LITAFD: variants seen among roughly 807,000 people sequenced by gnomAD.
LITAFD encodes the protein LITAF domain containing, also known as lITAF domain-containing protein.
intron 2 of LITAFD, among the ~76,000 whole-genome samples, chr16:8,884,070 TAAAAAGA>T (rs1016130031): frequency 4.0e-5 from 6 of 151,396 alleles, no homozygotes; most frequent in Admixed American, 1.3e-4. Flanking sequence ...GTCTCCAAAA[TAAAAAGA>T]AAAAAGAAAA....
chr16:8,883,210 A>G (rs932033406), exon 2 of LITAFD: 3 of 152,022 alleles, frequency 2.0e-5, no homozygotes, highest in Non-Finnish European at 2.9e-5. Flanking sequence ...TCTCCTAAAG[A>G]TCCTTATCCT....
At chr16:8,883,975 G>T (rs1392723983) in intron 2 of LITAFD, among the ~76,000 whole-genome samples, 1 of 152,228 alleles carries the variant, frequency 6.6e-6, no homozygotes, top group Non-Finnish European at 1.5e-5. Flanking sequence ...TGAGGCAGGA[G>T]AATCGCTTGA....
exon 4 of LITAFD, chr16:8,885,191 G>C (rs972033694): frequency 1.0e-5 from 4 of 399,182 alleles, no homozygotes; most frequent in Non-Finnish European, 1.8e-5. Flanking sequence ...CTGCAGGTAC[G>C]TCCTGGGCTG....
chr16:8,882,984 C>T (rs768043138), intron 1 of LITAFD, among the ~76,000 whole-genome samples: 11 of 152,038 alleles, frequency 7.2e-5, no homozygotes, highest in Non-Finnish European at 1.5e-4. Flanking sequence ...TACAGGCGTG[C>T]GCCACTGTGC....
chr16:8,884,812 C>T (rs1003236815), intron 3 of LITAFD, among the ~76,000 whole-genome samples: 2 of 152,118 alleles, frequency 1.3e-5, no homozygotes, highest in African/African-American at 2.4e-5. Context: ...GGGCCAGGCG[C>T]GGTGACTCAT....
rs573909415 is a variant in LITAFD at position 8,884,924 on chromosome 16, C to G, written c.111-263C>G. On this transcript the variant is annotated intron_variant, in intron 3 of 3. Coordinates refer to ENST00000636296, the Ensembl canonical transcript of LITAFD. ...ATGTGCTGAAACCCTGTCTCTAACTCTATTAAAAATACAAAATTAGCCGGG... is the reference window on the plus strand; with the variant it reads ...ATGTGCTGAAACCCTGTCTCTAACTGTATTAAAAATACAAAATTAGCCGGG... Among the ~76,000 whole-genome samples, 4 of 152,280 alleles carry G rather than the reference C, an allele frequency of 2.6e-5. No homozygotes were observed. The East Asian group carries it at 7.7e-4, about 29-fold the overall frequency.
chr16:8,885,065 T>C lies in LITAFD; in HGVS notation c.111-122T>C, dbSNP rs138377987. Reference sequence around the variant, plus strand: ...TCCAGCCTGGGATACAGAGTGAGACTCTGTCTCAAACATACACACACACGC... The same window carrying C: ...TCCAGCCTGGGATACAGAGTGAGACCCTGTCTCAAACATACACACACACGC... On this transcript the variant is annotated intron_variant, in intron 3 of 3. Transcript: ENST00000636296. 1,554 of 399,102 alleles carry C rather than the reference T, an allele frequency of 3.9e-3. 5 individuals are homozygous for C. Among genetic ancestry groups the C allele is most frequent in the South Asian group, 0.011 (85 of 7,852 alleles). 24.7% of individuals were successfully genotyped at this position (399,102 alleles called of 1,614,324 possible). A position where few individuals can be genotyped will look rare whatever the true frequency, so the allele number is the denominator to read the frequency against.
chr16:8,883,253 C>G (rs1235710838), exon 2 of LITAFD: 1 of 152,402 alleles, frequency 6.6e-6, no homozygotes, highest in Non-Finnish European at 1.5e-5. Flanking sequence ...GTCCTCCTCA[C>G]CAGATGTACT....
At position 8,884,476 on chromosome 16, in the gene LITAFD, G is replaced by T; in HGVS notation, c.110+11G>T. 2 of 175,736 alleles carry T rather than the reference G, an allele frequency of 1.1e-5. No individual in the cohort carries two copies. The highest frequency in any genetic ancestry group is 2.3e-5 in the Non-Finnish European group (2 of 85,686). 10.9% of individuals were successfully genotyped at this position (175,736 alleles called of 1,614,324 possible). A position where few individuals can be genotyped will look rare whatever the true frequency, so the allele number is the denominator to read the frequency against. ...CCTCTTCCTGTTCGGGTGAGTGGCC[G>T]CCCCTCCGCCGCTGCAGAGGCCTGA... On this transcript the variant is annotated intron_variant, in intron 3 of 3. Coordinates refer to ENST00000636296, the Ensembl canonical transcript of LITAFD.
chr16:8,882,997 G>A (rs1050401376), intron 1 of LITAFD, among the ~76,000 whole-genome samples: 2 of 152,120 alleles, frequency 1.3e-5, no homozygotes, highest in Non-Finnish European at 1.5e-5. Context: ...CACTGTGCCC[G>A]GCTAATTTTT....
At chr16:8,883,458 GC>G (rs1457974480) in intron 2 of LITAFD, among the ~76,000 whole-genome samples, 172 bp downstream of exon 2, 1 of 152,110 alleles carries the variant, frequency 6.6e-6, no homozygotes, top group Non-Finnish European at 1.5e-5. Context: ...CTGGCCAGCT[GC>G]CCCTGCTCCC....
At chr16:8,883,990 G>A (rs918189806) in intron 2 of LITAFD, among the ~76,000 whole-genome samples, 18 of 152,222 alleles carry the variant, frequency 1.2e-4, no homozygotes, top group Middle Eastern at 3.4e-3. Context: ...GCTTGAACCC[G>A]GGAGGCGGAG....
rs925719599 is a variant in LITAFD, at chr16:8,884,946, C to T, written c.111-241C>T. The T allele has an allele frequency of 3.8e-5, 15 of 396,732 alleles. No homozygotes were observed. In the Middle Eastern group the frequency reaches 4.4e-3, roughly 117 times the overall value. 24.6% of individuals were successfully genotyped at this position (396,732 alleles called of 1,614,324 possible). On this transcript the variant is annotated intron_variant, in intron 3 of 3. Coordinates refer to ENST00000636296, the Ensembl canonical transcript of LITAFD. Reference sequence around the variant, plus strand: ...ACTCTATTAAAAATACAAAATTAGCCGGGTGTGGTGGCACGTGCCTGTAAT... The same window carrying T: ...ACTCTATTAAAAATACAAAATTAGCTGGGTGTGGTGGCACGTGCCTGTAAT...
intron 1 of LITAFD, among the ~76,000 whole-genome samples, chr16:8,882,973 T>C (rs1411944813): frequency 6.6e-6 from 1 of 152,142 alleles, no homozygotes; most frequent in Non-Finnish European, 1.5e-5. Flanking sequence ...GTAGCTGGGA[T>C]TACAGGCGTG....
chr16:8,883,641 C>T (rs988267185), intron 2 of LITAFD, among the ~76,000 whole-genome samples: 32 of 152,196 alleles, frequency 2.1e-4, no homozygotes, highest in African/African-American at 7.7e-4. Context: ...AGGCCGAGCC[C>T]CCCAGGTGGG....
chr16:8,885,242 A>C (rs2061560802), exon 4 of LITAFD: 1 of 398,896 alleles, frequency 2.5e-6, no homozygotes, highest in African/African-American at 2.1e-5. Context: ...AATGGACGTG[A>C]AGCACTCGTG....
exon 4 of LITAFD, chr16:8,885,257 G>A (rs757160441): frequency 3.5e-5 from 14 of 399,068 alleles, no homozygotes; most frequent in African/African-American, 1.8e-4. Flanking sequence ...CTCGTGTCCC[G>A]TGTGTCAGCG....
intron 2 of LITAFD, 26 bp from the exon 3 acceptor site, chr16:8,884,297 C>T (rs982704099): frequency 1.8e-5 from 7 of 398,920 alleles, no homozygotes; most frequent in Non-Finnish European, 2.2e-5. Context: ...GGGGTCCCAC[C>T]TGCTTCCCGC....
At chr16:8,884,332 G>T (rs1230524060) in exon 3 of LITAFD, 2 of 399,000 alleles carry the variant, frequency 5.0e-6, no homozygotes, top group Non-Finnish European at 8.8e-6. Flanking sequence ...GCTGTATGCC[G>T]GCATGTCCGT....
Sources: allele counts gnomAD v4.1 joint callset (sites outside exome capture counted in the v4.1 genomes callset), GRCh38; gene constraint gnomAD v4.1.1; transcripts MANE v1.5; gene names NCBI Gene and HGNC (gene_info 2026-07-23, HGNC 2026-07-21).